Variants in CEP128 observed in about 807,000 individuals in gnomAD.
The protein encoded by CEP128 is centrosomal protein 128, also known as centrosomal protein 128kDa.
In CEP128, 132 loss-of-function variants were observed where a neutral mutation model predicts 156.7. The observed-to-expected ratio is 0.84, with a 90% CI of 0.73 to 0.97. CEP128 has a LOEUF of 0.97. CEP128 is among the 50% of genes least tolerant of loss of function. CEP128 has a pLI of 0.00. For synonymous variants in CEP128, 469 were observed against 448.9 expected (o/e 1.04, Z -0.57); for missense variants, 1,252 against 1,281.9 (o/e 0.98, Z 0.36).
At chr14:80,583,855 C>A (rs1891692828) in intron 19 of CEP128, among the ~76,000 whole-genome samples, 1 of 152,116 alleles carries the variant, frequency 6.6e-6, no homozygotes, top group South Asian at 2.1e-4. Flanking sequence ...ATTCAGAAAC[C>A]TAGAAGAACT....
chr14:80,648,275 T>C (rs1894746960), intron 19 of CEP128, among the ~76,000 whole-genome samples: 1 of 152,018 alleles, frequency 6.6e-6, no homozygotes, highest in Non-Finnish European at 1.5e-5. Context: ...AAACCCTGAT[T>C]TGATTTTCCT....
At chr14:80,715,810 T>C (rs781622814) in intron 19 of CEP128, among the ~76,000 whole-genome samples, 1 of 152,182 alleles carries the variant, frequency 6.6e-6, no homozygotes, top group Non-Finnish European at 1.5e-5. Flanking sequence ...TCTTCATCTA[T>C]AAAATGGGGA....
At chr14:80,727,249 T>C (rs1297166509) in intron 19 of CEP128, among the ~76,000 whole-genome samples, 1 of 152,118 alleles carries the variant, frequency 6.6e-6, no homozygotes, top group Non-Finnish European at 1.5e-5. Flanking sequence ...GAGGAAGCAG[T>C]AGAGCATCTC....
chr14:80,495,757 A>T (rs139304665), downstream of CEP128, among the ~76,000 whole-genome samples: 2,711 of 152,250 alleles, frequency 0.018, 51 homozygotes, highest in Middle Eastern at 0.082. Flanking sequence ...CTACTAATAC[A>T]TAAAAGAAAA....
rs538989448 is a variant in CEP128 at position 80,577,245 on chromosome 14, G to A, written c.2856+3129C>T. On this transcript the variant is annotated intron_variant, in intron 20 of 24. Transcript: ENST00000555265. ...ATACTTCCCCTGGGAATTCACATTC[G>A]CTATATGACTTTTAGTATCATTCTT... is the stretch of plus-strand genomic sequence containing the variant. Among the ~76,000 whole-genome samples, 10 of 152,004 alleles carry A rather than the reference G, an allele frequency of 6.6e-5. No homozygotes were observed. The South Asian group carries it at 1.2e-3, about 19-fold the overall frequency.
chr14:80,559,640 A>G (rs960766337), intron 20 of CEP128, among the ~76,000 whole-genome samples: 4 of 152,256 alleles, frequency 2.6e-5, no homozygotes, highest in African/African-American at 9.6e-5. Flanking sequence ...ATGAATCACA[A>G]CTAGACAAGA....
At chr14:80,499,071 G>A (rs1238273829) in intron 24 of CEP128, among the ~76,000 whole-genome samples, 2 of 152,204 alleles carry the variant, frequency 1.3e-5, no homozygotes, top group African/African-American at 4.8e-5. Context: ...TGTAAAATGA[G>A]AGAGACAGAG....
In CEP128 at chr14:80,904,849, AC is replaced by A; in HGVS notation, c.443del (p.Gly148ValfsTer11). 1 of 1,609,730 alleles carries A rather than the reference AC, an allele frequency of 6.2e-7. No homozygotes were observed. Among genetic ancestry groups the A allele is most frequent in the East Asian group, 2.2e-5 (1 of 44,842 alleles). ...QGIKRMRSRT[G>X]VRFVQETDDM... ...CATCAGTCTCTTGAACAAACCGGAC[AC>A]CAGTTCTTGATCTCATTCGTTTAAT... On this transcript the variant is annotated frameshift_variant, in exon 6 of 25. Coordinates refer to ENST00000555265, the MANE Select transcript of CEP128 (RefSeq NM_152446.5). LOFTEE classifies it high-confidence loss of function.
At chr14:80,867,036 C>A (rs141240362) in intron 8 of CEP128, among the ~76,000 whole-genome samples, 37 of 151,880 alleles carry the variant, frequency 2.4e-4, no homozygotes, top group African/African-American at 7.5e-4. Context: ...TATTTTTTTT[C>A]TTTCCTTACT....
intron 9 of CEP128, among the ~76,000 whole-genome samples, chr14:80,860,577 A>T (rs1204626002): frequency 2.0e-5 from 3 of 152,068 alleles, no homozygotes; most frequent in Non-Finnish European, 4.4e-5. Flanking sequence ...TCTTATGCTC[A>T]CCAGATATAA....
At chr14:80,553,404 A>G (rs1890295620) in intron 21 of CEP128, among the ~76,000 whole-genome samples, 1 of 152,178 alleles carries the variant, frequency 6.6e-6, no homozygotes, top group African/African-American at 2.4e-5. Flanking sequence ...GGAAAAGTTC[A>G]TCCTTACTCC....
In CEP128 at chr14:80,750,139, C is replaced by T. The variant is rs114979328; in HGVS notation, c.2613+6753G>A. On this transcript the variant is annotated intron_variant, in intron 18 of 24. Transcript: ENST00000555265. ...ATCACTGATGGCAAATGTGAGTAAT[C>T]ATAAGCGTAAGGTAGAAAACATCAA... Among the ~76,000 whole-genome samples the T allele has an allele frequency of 8.0e-3, 1,223 of 152,186 alleles. 10 individuals carry two copies. Among genetic ancestry groups the T allele is most frequent in the Middle Eastern group, 0.041 (12 of 294 alleles).
intron 19 of CEP128, among the ~76,000 whole-genome samples, chr14:80,629,623 CT>C (rs35266771): frequency 0.36 from 53,837 of 151,622 alleles, 11,352 homozygotes; most frequent in African/African-American, 0.59. Context: ...AAAGTAAAGC[CT>C]TTTTAAATGT....
At chr14:80,832,032 G>A (rs1013445956) in intron 12 of CEP128, among the ~76,000 whole-genome samples, 1 of 152,180 alleles carries the variant, frequency 6.6e-6, no homozygotes, top group Non-Finnish European at 1.5e-5. Flanking sequence ...CTCTTTCCAT[G>A]CTGTTCTCAT....
chr14:80,889,564 T>G (rs1048600106), intron 8 of CEP128, among the ~76,000 whole-genome samples: 1 of 152,220 alleles, frequency 6.6e-6, no homozygotes, highest in African/African-American at 2.4e-5. Flanking sequence ...CTGGGAAAAC[T>G]GGCTACCATA....
intron 19 of CEP128, among the ~76,000 whole-genome samples, chr14:80,716,928 G>GTA (rs1897628718): frequency 6.6e-6 from 1 of 152,172 alleles, no homozygotes; most frequent in Non-Finnish European, 1.5e-5. Flanking sequence ...GTCCTGGTGA[G>GTA]TATAAAGTAG....
chr14:80,878,597 T>C (rs998936003), intron 8 of CEP128, among the ~76,000 whole-genome samples: 4 of 152,124 alleles, frequency 2.6e-5, no homozygotes, highest in African/African-American at 7.2e-5. Flanking sequence ...CAAATTGCAG[T>C]TGTGCCCAAC....
At chr14:80,594,498 G>T (rs535733844) in intron 19 of CEP128, among the ~76,000 whole-genome samples, 1 of 152,296 alleles carries the variant, frequency 6.6e-6, no homozygotes, top group Admixed American at 6.5e-5. Flanking sequence ...AAGAGCTTCT[G>T]CACAGCAAAA....
At chr14:80,619,422 T>G (rs903037110) in intron 19 of CEP128, among the ~76,000 whole-genome samples, 4 of 125,858 alleles carry the variant, frequency 3.2e-5, no homozygotes, top group African/African-American at 6.2e-5. Context: ...AAAACAGGCC[T>G]GGCATGGTGG....
Sources: allele counts gnomAD v4.1 joint callset (sites outside exome capture counted in the v4.1 genomes callset), GRCh38; gene constraint gnomAD v4.1.1; transcripts MANE v1.5; gene names NCBI Gene and HGNC (gene_info 2026-07-23, HGNC 2026-07-21).